TMEM178B: variants seen among roughly 807,000 people sequenced by gnomAD.
The protein encoded by TMEM178B is transmembrane protein 178B.
In TMEM178B, 5 loss-of-function variants were observed where a neutral mutation model predicts 31.0. The observed-to-expected ratio is 0.16, with a 90% CI of 0.08 to 0.34. The LOEUF is 0.34. TMEM178B is among the 10% of genes least tolerant of loss of function. The probability of loss-of-function intolerance (pLI) is 1.00; values close to 1 mark genes in which losing one functional copy is unlikely to be tolerated. For synonymous variants in TMEM178B, 164 were observed against 164.0 expected, an observed-to-expected ratio of 1.00 and a Z score of 0.00; for missense variants, 275 against 400.3, an observed-to-expected ratio of 0.69 and a Z score of 2.67.
the TMEM178B span, among the ~76,000 whole-genome samples, chr7:141,501,447 G>A: frequency 3.3e-5 from 5 of 151,658 alleles, no homozygotes; most frequent in Admixed American, 6.6e-5. Context: ...TTCACTATTG[G>A]TATAAATGGG....
intron 2 of TMEM178B, among the ~76,000 whole-genome samples, chr7:141,353,976 A>G (rs1799777263): frequency 6.6e-6 from 1 of 152,226 alleles, no homozygotes; most frequent in South Asian, 2.1e-4. Flanking sequence ...TTAGAGTTTC[A>G]GTTTCCTCAT....
chr7:141,473,695 ACTT>A lies in TMEM178B; in HGVS notation c.*2913_*2915del, dbSNP rs1802297395. 1 of 152,154 alleles carries A rather than the reference ACTT, an allele frequency of 6.6e-6. No individual in the cohort carries two copies. The highest frequency in any genetic ancestry group is 2.1e-4 in the South Asian group (1 of 4,826). The allele number at this position is 152,154 out of a possible 1,614,324, so 9.4% of individuals were successfully genotyped here. On this transcript the variant is annotated 3_prime_UTR_variant, in exon 4 of 4. Coordinates refer to ENST00000565468, the MANE Select transcript of TMEM178B (RefSeq NM_001195278.2). ...CAGCCCAGAGCAGGGGCTTTGAGTG[ACTT>A]CTTTGATAGCAGGACCAGATAAATA... is the stretch of plus-strand genomic sequence containing the variant.
intron 2 of TMEM178B, among the ~76,000 whole-genome samples, chr7:141,362,508 T>C (rs1799933309): frequency 6.6e-6 from 1 of 152,078 alleles, no homozygotes; most frequent in South Asian, 2.1e-4. Flanking sequence ...CATGCACTTT[T>C]TTTTTTAAAA....
chr7:141,132,574 G>A (rs1795611233), intron 1 of TMEM178B, among the ~76,000 whole-genome samples: 1 of 152,094 alleles, frequency 6.6e-6, no homozygotes, highest in Admixed American at 6.5e-5. Context: ...GCCACCTGGG[G>A]GCCTGGGAAC....
At chr7:141,175,786 T>C (rs1796424089) in intron 1 of TMEM178B, among the ~76,000 whole-genome samples, 1 of 152,186 alleles carries the variant, frequency 6.6e-6, no homozygotes, top group Admixed American at 6.5e-5. Context: ...TAGGAATGCT[T>C]GTGATTTTTG....
chr7:141,395,017 C>G (rs370416858), intron 2 of TMEM178B, among the ~76,000 whole-genome samples: 2 of 152,180 alleles, frequency 1.3e-5, no homozygotes, highest in Non-Finnish European at 2.9e-5. Flanking sequence ...CCCTCAGTAC[C>G]CTGCCGCCTC....
At chr7:141,378,044 G>A (rs74444829) in intron 2 of TMEM178B, among the ~76,000 whole-genome samples, 7 of 152,052 alleles carry the variant, frequency 4.6e-5, no homozygotes, top group South Asian at 4.1e-4. Flanking sequence ...TTTAGTCATC[G>A]TGTCTCCTTT....
chr7:141,333,256 T>C (rs1377942639), intron 2 of TMEM178B, among the ~76,000 whole-genome samples: 3 of 152,246 alleles, frequency 2.0e-5, no homozygotes, highest in Non-Finnish European at 4.4e-5. Context: ...TCACAATTCA[T>C]GTAGGTATGG....
intron 1 of TMEM178B, among the ~76,000 whole-genome samples, chr7:141,092,331 G>A (rs1348888068): frequency 6.6e-6 from 1 of 152,104 alleles, no homozygotes; most frequent in Non-Finnish European, 1.5e-5. Flanking sequence ...GGAAGTGGAG[G>A]GTAATGGAAA....
intron 2 of TMEM178B, among the ~76,000 whole-genome samples, chr7:141,409,474 G>A (rs548744355): frequency 1.3e-5 from 2 of 152,320 alleles, no homozygotes; most frequent in East Asian, 3.9e-4. Context: ...AATGAGGATG[G>A]CAGTGAGTTG....
chr7:141,457,588 C>T (rs1301353784), intron 3 of TMEM178B, among the ~76,000 whole-genome samples: 1 of 152,114 alleles, frequency 6.6e-6, no homozygotes. Flanking sequence ...GGAGTGTATG[C>T]TATGTAGATT....
chr7:141,188,166 A>G (rs1279188978), intron 1 of TMEM178B, among the ~76,000 whole-genome samples: 5 of 152,158 alleles, frequency 3.3e-5, no homozygotes, highest in East Asian at 1.9e-4. Context: ...CAGTATATCA[A>G]TCTCTTTAGC....
chr7:141,106,973 A>G (rs147575852), intron 1 of TMEM178B, among the ~76,000 whole-genome samples: 2 of 152,346 alleles, frequency 1.3e-5, no homozygotes, highest in East Asian at 3.9e-4. Flanking sequence ...GGATCAAGGT[A>G]AAGAACATGG....
chr7:141,200,086 G>T (rs1796851859), intron 1 of TMEM178B, among the ~76,000 whole-genome samples: 1 of 151,982 alleles, frequency 6.6e-6, no homozygotes. Flanking sequence ...TCTCTATGTT[G>T]CCCAGGCTGG....
chr7:141,175,497 A>C (rs1366313081), intron 1 of TMEM178B, among the ~76,000 whole-genome samples: 1 of 152,188 alleles, frequency 6.6e-6, no homozygotes, highest in East Asian at 1.9e-4. Flanking sequence ...AATTCTGTGA[A>C]GAAAGTCAAT....
intron 2 of TMEM178B, among the ~76,000 whole-genome samples, chr7:141,252,548 A>G (rs887607920): frequency 2.0e-5 from 3 of 152,226 alleles, no homozygotes; most frequent in African/African-American, 2.4e-5. Context: ...TTCTGTGCCC[A>G]TGGATTTGAT....
intron 2 of TMEM178B, among the ~76,000 whole-genome samples, chr7:141,342,137 G>A (rs560566798): frequency 4.3e-4 from 65 of 152,150 alleles, no homozygotes; most frequent in African/African-American, 1.4e-3. Flanking sequence ...TAGCAGAGAC[G>A]GGCTTTCCCC....
intron 2 of TMEM178B, among the ~76,000 whole-genome samples, chr7:141,399,424 C>T (rs999758035): frequency 1.3e-5 from 2 of 152,210 alleles, no homozygotes; most frequent in African/African-American, 2.4e-5. Context: ...ATAGTCAGGG[C>T]AGAATCATGA....
At chr7:141,284,255 G>C (rs941448600) in intron 2 of TMEM178B, among the ~76,000 whole-genome samples, 7 of 152,078 alleles carry the variant, frequency 4.6e-5, no homozygotes, top group African/African-American at 1.7e-4. Flanking sequence ...TCCTCTTAAG[G>C]TTCTTACGTA....
Sources: allele counts gnomAD v4.1 joint callset (sites outside exome capture counted in the v4.1 genomes callset), GRCh38; gene constraint gnomAD v4.1.1; transcripts MANE v1.5; gene names NCBI Gene and HGNC (gene_info 2026-07-23, HGNC 2026-07-21).